The following NBAS variants were observed in gnomAD, a reference collection of about 807,000 sequenced individuals.
The protein encoded by NBAS is NBAS subunit of NRZ tethering complex.
NBAS carries 219 observed loss-of-function variants against 302.5 expected under a neutral mutation model. That is an observed-to-expected ratio of 0.72 (90% confidence interval 0.65 to 0.81). The LOEUF (loss-of-function observed/expected upper bound fraction) is 0.81, where lower values mean the gene tolerates loss of function less well. Among genes scored for constraint, NBAS ranks in the 30% least tolerant of loss-of-function variants. The probability of loss-of-function intolerance (pLI) is 0.00; values close to 1 mark genes in which losing one functional copy is unlikely to be tolerated. For synonymous variants in NBAS, 1,118 were observed against 1,021.6 expected, an observed-to-expected ratio of 1.09 and a Z score of -1.80; for missense variants, 2,932 against 2,841.6, an observed-to-expected ratio of 1.03 and a Z score of -0.72.
Position 15,461,251 on chromosome 2 carries a change from A to T in NBAS, c.2289T>A (p.Phe763Leu). 6.2e-7 allele frequency: 1 copy of T among 1,613,922 alleles called. No individual in the cohort carries two copies. ...LPHRLAILSN[F>L]PETTSPHEYS... is the part of the protein sequence containing the mutation. ...ATTCATGTGGAGAAGTGGTCTCTGGAAAGTTGGACAGAATTGCAAGGCGAT... is the reference window on the plus strand; with the variant it reads ...ATTCATGTGGAGAAGTGGTCTCTGGTAAGTTGGACAGAATTGCAAGGCGAT... The change falls in exon 21 of 52, where the codon TTT (phenylalanine) becomes TTA (leucine). Residue 763 changes from phenylalanine to leucine, a missense_variant. Physicochemically the swap from Phe to Leu is conservative, Grantham distance 22 (BLOSUM62 0). Transcript: ENST00000281513.
chr2:15,162,674 G>A (rs1034491981), downstream of NBAS, among the ~76,000 whole-genome samples: 2 of 152,142 alleles, frequency 1.3e-5, no homozygotes, highest in African/African-American at 4.8e-5. Context: ...CGTATCTACC[G>A]CTGCTGGTGC....
the NBAS span, among the ~76,000 whole-genome samples, chr2:14,963,164 A>G: frequency 6.6e-6 from 1 of 152,072 alleles, no homozygotes; most frequent in Non-Finnish European, 1.5e-5. Context: ...GCTACTCAGG[A>G]GGCTGAGGCA....
chr2:14,845,735 G>A, the NBAS span, among the ~76,000 whole-genome samples: 15 of 152,316 alleles, frequency 9.8e-5, no homozygotes, highest in Non-Finnish European at 1.6e-4. Flanking sequence ...GAATTAAGCA[G>A]AAATTCTGGA....
the NBAS span, among the ~76,000 whole-genome samples, chr2:15,123,509 G>A: frequency 1.7e-4 from 26 of 152,310 alleles, no homozygotes; most frequent in African/African-American, 6.3e-4. Flanking sequence ...CTCAATGTTG[G>A]AGGTGGGCCC....
At position 15,308,309 on chromosome 2, in the gene NBAS, T is replaced by A; in HGVS notation, c.4704A>T (p.Ala1568=). 1 of 1,614,166 alleles carries A rather than the reference T, an allele frequency of 6.2e-7. No homozygotes were observed. The highest frequency in any genetic ancestry group is 8.5e-7 in the Non-Finnish European group (1 of 1,180,022). ...NRCFEKQSPS[A]LSLQLAAYYY... ...AATACGCTGCCAGCTGGAGAGATAA[T>A]GCAGAGGGGGACTGCTTTTCAAAGC... Residue 1568 remains alanine (A), a synonymous_variant, in exon 40 of 52, where the codon GCA becomes GCT. Coordinates refer to ENST00000281513, the MANE Select transcript of NBAS (RefSeq NM_015909.4).
At chr2:15,276,721 T>A (rs1217869781) in intron 43 of NBAS, 130 bp downstream of exon 43, 1 of 1,344,416 alleles carries the variant, frequency 7.4e-7, no homozygotes, top group Non-Finnish European at 1.0e-6. Flanking sequence ...ATAACTAAAG[T>A]CGATTAGCTT....
At chr2:15,490,082 T>C (rs1201036009) in intron 11 of NBAS, among the ~76,000 whole-genome samples, 1 of 126,288 alleles carries the variant, frequency 7.9e-6, no homozygotes, top group Non-Finnish European at 1.8e-5. Flanking sequence ...CCTTTCTCTA[T>C]TATTGCTCCA....
intron 21 of NBAS, among the ~76,000 whole-genome samples, chr2:15,443,624 T>A (rs1282090346): frequency 6.6e-6 from 1 of 150,704 alleles, no homozygotes; most frequent in African/African-American, 2.5e-5. Flanking sequence ...ACCACTCCTA[T>A]TCAACATAGT....
intron 28 of NBAS, chr2:15,393,552 G>C: frequency 2.6e-6 from 1 of 387,508 alleles, no homozygotes. Context: ...GTTTTTGAAA[G>C]TTAACTATTC....
At chr2:14,884,671 T>C in the NBAS span, among the ~76,000 whole-genome samples, 36 of 152,180 alleles carry the variant, frequency 2.4e-4, no homozygotes, top group Admixed American at 5.2e-4. Context: ...CACAGCCCAG[T>C]GCTCTCCATC....
chr2:15,489,196 C>A (rs926490604), intron 11 of NBAS, among the ~76,000 whole-genome samples, 174 bp from the exon 12 acceptor site: 9 of 152,068 alleles, frequency 5.9e-5, no homozygotes, highest in African/African-American at 2.2e-4. Context: ...GTCCTCCTGA[C>A]CTTAAGGAGT....
At chr2:14,943,018 T>C in the NBAS span, among the ~76,000 whole-genome samples, 1 of 152,252 alleles carries the variant, frequency 6.6e-6, no homozygotes, top group Admixed American at 6.5e-5. Context: ...GGTCTCCTTA[T>C]GGTTTTATTA....
chr2:15,117,854 G>T, the NBAS span, among the ~76,000 whole-genome samples: 2 of 152,206 alleles, frequency 1.3e-5, no homozygotes, highest in Non-Finnish European at 2.9e-5. Flanking sequence ...ATTTTCCCAA[G>T]GCCCCTCCTC....
the NBAS span, among the ~76,000 whole-genome samples, chr2:14,990,391 T>G: frequency 6.6e-6 from 1 of 151,240 alleles, no homozygotes; most frequent in East Asian, 2.0e-4. Context: ...GCCACTGCAC[T>G]CCAGCCTGGG....
intron 9 of NBAS, among the ~76,000 whole-genome samples, chr2:15,518,754 C>T (rs961476221): frequency 1.3e-5 from 2 of 152,142 alleles, no homozygotes; most frequent in East Asian, 3.9e-4. Flanking sequence ...GGACATACAG[C>T]TCCACATGGC....
chr2:15,323,581 T>G (rs1286079160), intron 38 of NBAS, among the ~76,000 whole-genome samples: 1 of 152,070 alleles, frequency 6.6e-6, no homozygotes, highest in Non-Finnish European at 1.5e-5. Flanking sequence ...ATGAGCCAGG[T>G]GTGCTCTGGG....
intron 44 of NBAS, among the ~76,000 whole-genome samples, chr2:15,264,866 C>T (rs1326390444): frequency 6.6e-6 from 1 of 152,186 alleles, no homozygotes; most frequent in Non-Finnish European, 1.5e-5. Flanking sequence ...AATGTTTTAT[C>T]TGCTCCACAA....
chr2:14,966,712 T>G, the NBAS span, among the ~76,000 whole-genome samples: 6 of 152,204 alleles, frequency 3.9e-5, no homozygotes, highest in Non-Finnish European at 5.9e-5. Flanking sequence ...ATATAATGAC[T>G]ACTTGTTTTC....
chr2:15,444,058 T>C lies in NBAS; in HGVS notation c.2340-16264A>G, dbSNP rs200073275. ...GCTCATGGGTAGGAAGAATCAATATTGTGAAAATGGCCATACTGCCCAAGG... is the reference window on the plus strand; with the variant it reads ...GCTCATGGGTAGGAAGAATCAATATCGTGAAAATGGCCATACTGCCCAAGG... On this transcript the variant is annotated intron_variant, in intron 21 of 51. Coordinates refer to ENST00000281513, the MANE Select transcript of NBAS (RefSeq NM_015909.4). Among the ~76,000 whole-genome samples, 1,129 of 150,246 alleles carry C rather than the reference T, an allele frequency of 7.5e-3. 14 individuals are homozygous for C. The highest frequency in any genetic ancestry group is 0.039 in the East Asian group (195 of 4,954).
Sources: allele counts gnomAD v4.1 joint callset (sites outside exome capture counted in the v4.1 genomes callset), GRCh38; gene constraint gnomAD v4.1.1; transcripts MANE v1.5; gene names NCBI Gene and HGNC (gene_info 2026-07-23, HGNC 2026-07-21).